NR1H4: variants seen among roughly 807,000 people sequenced by gnomAD.
The protein encoded by NR1H4 is bile acid receptor.
A neutral mutation model predicts 58.5 loss-of-function variants in NR1H4; 23 were observed. The observed-to-expected ratio is 0.39, with a 90% CI of 0.28 to 0.56. NR1H4 has a LOEUF of 0.56. Ranked by LOEUF, NR1H4 falls within the 20% of genes least tolerant of loss-of-function variation. NR1H4 has a pLI of 0.58. For missense variants in NR1H4, 487 were observed against 576.9 expected, an observed-to-expected ratio of 0.84 and a Z score of 1.60; for synonymous variants, 214 against 198.0, an observed-to-expected ratio of 1.08 and a Z score of -0.68.
chr12:100,563,289 C>A lies in NR1H4; in HGVS notation c.1231C>A (p.Leu411Ile), dbSNP rs1194820799. The A allele has an allele frequency of 5.6e-6, 9 of 1,613,986 alleles. 1 individual carries two copies. In the South Asian group the frequency reaches 9.9e-5, roughly 18 times the overall value. The change falls in exon 11 of 11, where the codon CTT (leucine) becomes ATT (isoleucine). Residue 411 changes from leucine (L) to isoleucine (I), a missense_variant. Coordinates refer to ENST00000392986, the MANE Select transcript of NR1H4 (RefSeq NM_001206979.2). The stretch of plus-strand genomic sequence containing the variant: ...AAAGGATAGAGAGGCAGTAGAGAAG[C>A]TTCAGGAGCCACTTCTTGATGTGCT... ...YIKDREAVEK[L>I]QEPLLDVLQK...
chr12:100,495,820 ATCT>A (rs1953703578), intron 3 of NR1H4, among the ~76,000 whole-genome samples: 1 of 152,022 alleles, frequency 6.6e-6, no homozygotes, highest in African/African-American at 2.4e-5. Flanking sequence ...CCTCTTCCTC[ATCT>A]TCTTGTGTGT....
intron 9 of NR1H4, among the ~76,000 whole-genome samples, chr12:100,541,289 C>CA (rs1566468523): frequency 1.4e-5 from 2 of 144,568 alleles, no homozygotes; most frequent in Non-Finnish European, 3.1e-5. Context: ...TTCTTCCTTT[C>CA]TTTTTTTTTT....
rs558034424 is a variant in NR1H4, at chr12:100,551,268, T to C, written c.1078+10450T>C. On this transcript the variant is annotated intron_variant, in intron 9 of 10. Coordinates refer to ENST00000392986, the MANE Select transcript of NR1H4 (RefSeq NM_001206979.2). ...AAAGGAGATAATCTTGTTAGGGTGA[T>C]GAAGTTGTAGCCCTTAATAGTACCA... Among the ~76,000 whole-genome samples the C allele has an allele frequency of 9.8e-5, 15 of 152,356 alleles. No homozygotes were observed. The South Asian group carries it at 2.9e-3, about 29-fold the overall frequency.
At chr12:100,556,271 C>T (rs1442971762) in intron 9 of NR1H4, among the ~76,000 whole-genome samples, 1 of 151,942 alleles carries the variant, frequency 6.6e-6, no homozygotes, top group Non-Finnish European at 1.5e-5. Context: ...AGTTCGAGAC[C>T]AGCCTGACCA....
intron 9 of NR1H4, among the ~76,000 whole-genome samples, chr12:100,546,827 G>A (rs536229544): frequency 1.6e-4 from 24 of 152,196 alleles, no homozygotes; most frequent in South Asian, 4.2e-4. Flanking sequence ...CTTAGAGTTC[G>A]TGGTTCATCA....
intron 1 of NR1H4, among the ~76,000 whole-genome samples, chr12:100,474,762 C>T (rs1206100982): frequency 1.3e-5 from 2 of 152,134 alleles, no homozygotes; most frequent in Non-Finnish European, 2.9e-5. Flanking sequence ...GCCTGACTTA[C>T]TTCTTTTAAT....
At chr12:100,504,484 C>T (rs928919723) in intron 3 of NR1H4, among the ~76,000 whole-genome samples, 16 of 152,144 alleles carry the variant, frequency 1.1e-4, no homozygotes, top group Admixed American at 8.5e-4. Context: ...TAAACATTTA[C>T]TATGTGTCAG....
intron 4 of NR1H4, among the ~76,000 whole-genome samples, chr12:100,529,575 C>T (rs900919001): frequency 3.3e-5 from 5 of 152,146 alleles, no homozygotes; most frequent in South Asian, 2.1e-4. Context: ...TCTACCCAAC[C>T]GCCACCAAGA....
At chr12:100,479,420 T>A (rs1953333511) in intron 1 of NR1H4, among the ~76,000 whole-genome samples, 1 of 152,242 alleles carries the variant, frequency 6.6e-6, no homozygotes, top group South Asian at 2.1e-4. Flanking sequence ...GGCAATTTTC[T>A]TGCCACAATT....
intron 1 of NR1H4, among the ~76,000 whole-genome samples, chr12:100,476,454 T>C (rs1953273567): frequency 6.6e-6 from 1 of 152,146 alleles, no homozygotes; most frequent in Non-Finnish European, 1.5e-5. Flanking sequence ...AGCGTTTTAA[T>C]TAAAGACCAC....
At chr12:100,482,142 A>G (rs1953396142) in intron 1 of NR1H4, among the ~76,000 whole-genome samples, 1 of 152,072 alleles carries the variant, frequency 6.6e-6, no homozygotes. Flanking sequence ...AAACAAAACA[A>G]AACAATTTCC....
intron 9 of NR1H4, among the ~76,000 whole-genome samples, chr12:100,558,217 A>AG (rs1955377273): frequency 6.6e-6 from 1 of 150,814 alleles, no homozygotes; most frequent in South Asian, 2.1e-4. Flanking sequence ...AAAAAAAAAA[A>AG]AAAAAATCAG....
chr12:100,487,102 T>TTTTTA (rs1174102498), intron 1 of NR1H4, among the ~76,000 whole-genome samples: 1 of 152,210 alleles, frequency 6.6e-6, no homozygotes, highest in African/African-American at 2.4e-5. Flanking sequence ...AAATTACTGC[T>TTTTTA]AATCAGAGTA....
At chr12:100,495,306 C>T (rs1252488260) in intron 3 of NR1H4, among the ~76,000 whole-genome samples, 1 of 152,222 alleles carries the variant, frequency 6.6e-6, no homozygotes, top group Non-Finnish European at 1.5e-5. Context: ...CTGGTCCCCT[C>T]TTCTGGTAAA....
At chr12:100,534,770 G>A (rs777283330) in intron 5 of NR1H4, 120 bp from the exon 6 acceptor site, 175 of 1,126,988 alleles carry the variant, frequency 1.6e-4, no homozygotes, top group Admixed American at 1.4e-4. Flanking sequence ...AAAGGCTAGC[G>A]TTAGTTCTGT....
At chr12:100,534,858 A>G in intron 5 of NR1H4, 32 bp from the exon 6 acceptor site, 1 of 1,613,758 alleles carries the variant, frequency 6.2e-7, no homozygotes, top group Non-Finnish European at 8.5e-7. Flanking sequence ...ACTTTCTGTG[A>G]TTGGTGAAGT....
chr12:100,500,028 G>GGTAC (rs1168462163), intron 3 of NR1H4: 1 of 452,246 alleles, frequency 2.2e-6, no homozygotes. Flanking sequence ...CTATAAGGTA[G>GGTAC]GTACCATTAC....
At chr12:100,559,537 G>A (rs949681331) in intron 9 of NR1H4, among the ~76,000 whole-genome samples, 6 of 152,186 alleles carry the variant, frequency 3.9e-5, no homozygotes, top group Non-Finnish European at 7.4e-5. Context: ...CAGTGGCTGC[G>A]GAGGGTGTAC....
At chr12:100,561,781 A>G in intron 9 of NR1H4, 104 bp from the exon 10 acceptor site, 3 of 686,852 alleles carry the variant, frequency 4.4e-6, no homozygotes, top group South Asian at 1.6e-5. Context: ...GAATGTGTGC[A>G]TATAGTTGCA....
Sources: allele counts gnomAD v4.1 joint callset (sites outside exome capture counted in the v4.1 genomes callset), GRCh38; gene constraint gnomAD v4.1.1; transcripts MANE v1.5; gene names NCBI Gene and HGNC (gene_info 2026-07-23, HGNC 2026-07-21).